Variants in STRBP observed in about 807,000 individuals in gnomAD.
The protein encoded by STRBP is spermatid perinuclear RNA-binding protein.
STRBP carries 13 observed loss-of-function variants against 80.1 expected under a neutral mutation model. The observed-to-expected ratio is 0.16, with a 90% CI of 0.11 to 0.26. STRBP has a LOEUF of 0.26. Ranked by LOEUF, STRBP falls within the 10% of genes least tolerant of loss-of-function variation. The probability of loss-of-function intolerance (pLI) is 1.00; values close to 1 mark genes in which losing one functional copy is unlikely to be tolerated. For synonymous variants in STRBP, 284 were observed against 291.2 expected (o/e 0.98, Z 0.25); for missense variants, 485 against 815.2 (o/e 0.59, Z 4.93).
At chr9:123,228,115 C>G (rs1028869002) in intron 2 of STRBP, among the ~76,000 whole-genome samples, 1 of 152,104 alleles carries the variant, frequency 6.6e-6, no homozygotes, top group Non-Finnish European at 1.5e-5. Context: ...TTAACTCCAT[C>G]GGTTTTGGCC....
chr9:123,184,321 C>A, intron 2 of STRBP, 23 bp from the exon 3 acceptor site: 1 of 468,566 alleles, frequency 2.1e-6, no homozygotes, highest in Admixed American at 3.8e-5. Flanking sequence ...AGGAAAACAA[C>A]TTCAAAAATG....
chr9:123,171,350 T>TAG (rs2037999982), intron 5 of STRBP, among the ~76,000 whole-genome samples: 1 of 152,182 alleles, frequency 6.6e-6, no homozygotes, highest in South Asian at 2.1e-4. Flanking sequence ...AAACCTCAGC[T>TAG]AACTAACGTA....
chr9:123,234,973 A>G (rs991567542), intron 2 of STRBP, among the ~76,000 whole-genome samples: 1 of 123,592 alleles, frequency 8.1e-6, no homozygotes, highest in Non-Finnish European at 1.7e-5. Context: ...TTTTTTTTGT[A>G]TCTGTTCAAC....
chr9:123,155,258 A>T (rs2037233366), intron 11 of STRBP, among the ~76,000 whole-genome samples: 1 of 152,224 alleles, frequency 6.6e-6, no homozygotes, highest in African/African-American at 2.4e-5. Context: ...GAGGTGTGAA[A>T]TGTGAGAAAA....
At chr9:123,221,301 G>A (rs1304650085) in intron 2 of STRBP, among the ~76,000 whole-genome samples, 3 of 152,062 alleles carry the variant, frequency 2.0e-5, no homozygotes, top group Non-Finnish European at 2.9e-5. Flanking sequence ...CATCCTCCAC[G>A]GGTGGTGGCA....
At chr9:123,135,965 C>T in intron 16 of STRBP, 76 bp downstream of exon 16, 1 of 1,574,290 alleles carries the variant, frequency 6.4e-7, no homozygotes, top group Non-Finnish European at 8.6e-7. Flanking sequence ...GCTAAAGTGC[C>T]ACATGGACAG....
At chr9:123,227,052 C>A (rs750338460) in intron 2 of STRBP, among the ~76,000 whole-genome samples, 2 of 152,160 alleles carry the variant, frequency 1.3e-5, no homozygotes, top group African/African-American at 2.4e-5. Context: ...GTAAATTCCT[C>A]ATGATCTAAA....
chr9:123,240,971 G>A (rs548398896), intron 1 of STRBP, among the ~76,000 whole-genome samples: 7 of 152,202 alleles, frequency 4.6e-5, no homozygotes, highest in Non-Finnish European at 1.0e-4. Context: ...TCTGTGGTTG[G>A]GAGTTCATGA....
At chr9:123,182,418 T>C (rs928864164) in intron 3 of STRBP, among the ~76,000 whole-genome samples, 1 of 152,036 alleles carries the variant, frequency 6.6e-6, no homozygotes, top group Non-Finnish European at 1.5e-5. Flanking sequence ...AAGAATAAAC[T>C]AAGGAAGACA....
downstream of STRBP, among the ~76,000 whole-genome samples, chr9:123,118,650 A>G (rs700092): frequency 0.59 from 89,092 of 152,218 alleles, 32,434 homozygotes; most frequent in Non-Finnish European, 0.81. Context: ...CTAAACAAGT[A>G]TTTCTTAGAT....
intron 2 of STRBP, among the ~76,000 whole-genome samples, chr9:123,196,455 A>T (rs2039093966): frequency 1.3e-5 from 2 of 152,308 alleles, no homozygotes; most frequent in South Asian, 4.1e-4. Context: ...ATGGAAGAAA[A>T]TAGTTCCATT....
At chr9:123,143,833 GTTAGACCA>G (rs1334548636) in intron 13 of STRBP, among the ~76,000 whole-genome samples, 1 of 152,178 alleles carries the variant, frequency 6.6e-6, no homozygotes, top group African/African-American at 2.4e-5. Flanking sequence ...ATAATGAAAT[GTTAGACCA>G]TCACTAACAA....
In STRBP at chr9:123,122,900, G is replaced by A; in HGVS notation, c.*2697C>T. The A allele has an allele frequency of 1.0e-6, 1 of 985,484 alleles. No homozygotes were observed. The highest frequency in any genetic ancestry group is 1.2e-6 in the Non-Finnish European group (1 of 829,994). The allele number at this position is 985,484 out of a possible 1,614,324, so 61.0% of individuals were successfully genotyped here. On this transcript the variant is annotated 3_prime_UTR_variant, in exon 19 of 19. Transcript: ENST00000348403. Reference sequence around the variant, plus strand: ...CTGACAAGAAACTATGCTAAAAAGGGGTTAAGTACAGATATTGCTAGGTTT... The same window carrying A: ...CTGACAAGAAACTATGCTAAAAAGGAGTTAAGTACAGATATTGCTAGGTTT...
At chr9:123,258,894 C>CA (rs1321348438) in intron 1 of STRBP, among the ~76,000 whole-genome samples, 1 of 151,208 alleles carries the variant, frequency 6.6e-6, no homozygotes, top group Non-Finnish European at 1.5e-5. Flanking sequence ...GGTCAGACAG[C>CA]AAAGAAGGCA....
intron 7 of STRBP, 40 bp from the exon 8 acceptor site, chr9:123,160,502 T>C: frequency 6.7e-7 from 1 of 1,493,208 alleles, no homozygotes; most frequent in Non-Finnish European, 9.1e-7. Flanking sequence ...CCTATTGAGA[T>C]CTATTCTTCA....
At chr9:123,130,159 A>G (rs189910117) in intron 17 of STRBP, among the ~76,000 whole-genome samples, 7 of 152,262 alleles carry the variant, frequency 4.6e-5, no homozygotes, top group Non-Finnish European at 8.8e-5. Context: ...TGTGAATGGC[A>G]CCTGTTATTT....
chr9:123,263,334 C>T (rs139361010), intron 1 of STRBP, among the ~76,000 whole-genome samples: 1 of 152,030 alleles, frequency 6.6e-6, no homozygotes, highest in Non-Finnish European at 1.5e-5. Context: ...CTGGGCAACA[C>T]AGCAAGACCT....
At chr9:123,183,983 T>C in intron 3 of STRBP, 149 bp downstream of exon 3, 1 of 595,096 alleles carries the variant, frequency 1.7e-6, no homozygotes, top group Non-Finnish European at 2.9e-6. Flanking sequence ...ATTCATTCGC[T>C]TTGAATAGTA....
At chr9:123,140,708 C>T (rs1341249743) in intron 13 of STRBP, among the ~76,000 whole-genome samples, 1 of 152,128 alleles carries the variant, frequency 6.6e-6, no homozygotes, top group African/African-American at 2.4e-5. Context: ...ATTTCCATCC[C>T]TCTCTCTCAA....
Sources: gnomAD v4.1 joint callset for allele counts (sites outside exome capture counted in the v4.1 genomes callset) on GRCh38, gnomAD v4.1.1 for gene constraint, MANE v1.5 for transcripts, NCBI Gene and HGNC (gene_info 2026-07-23, HGNC 2026-07-21) for gene names.